The following BRCA1 variants were observed in gnomAD, a reference collection of about 807,000 sequenced individuals.
BRCA1 encodes breast cancer type 1 susceptibility protein.
In BRCA1, 140 loss-of-function variants were observed where a neutral mutation model predicts 173.7. That is an observed-to-expected ratio of 0.81 (90% CI 0.70 to 0.93). The LOEUF (loss-of-function observed/expected upper bound fraction) is 0.93. BRCA1 is among the 40% of genes least tolerant of loss of function. The probability of loss-of-function intolerance (pLI) is 0.00; values close to 1 mark genes in which losing one functional copy is unlikely to be tolerated. For synonymous variants in BRCA1, 662 were observed against 756.0 expected, an observed-to-expected ratio of 0.88 and a Z score of 2.04; for missense variants, 1,983 against 2,172.5, an observed-to-expected ratio of 0.91 and a Z score of 1.73.
At chr17:43,080,618 A>C (rs1345621984) in intron 12 of BRCA1, among the ~76,000 whole-genome samples, 1 of 152,114 alleles carries the variant, frequency 6.6e-6, no homozygotes, top group Non-Finnish European at 1.5e-5. Context: ...CAACTTGGGC[A>C]ACATAGGGAG....
At chr17:43,168,466 C>T (rs1355598042) in intron 1 of BRCA1, among the ~76,000 whole-genome samples, 4 of 152,090 alleles carry the variant, frequency 2.6e-5, no homozygotes, top group East Asian at 1.9e-4. Context: ...GGAGAAACCT[C>T]GTTTCTACTA....
chr17:43,097,300 T>C lies in BRCA1; in HGVS notation c.548-11A>G. 6.2e-7 allele frequency: 1 copy of C among 1,610,764 alleles called. No homozygotes were observed. Among genetic ancestry groups the C allele is most frequent in the East Asian group, 2.2e-5 (1 of 44,798 alleles). ...CAGAAGAATCAGATCCTAAAAAATT[T>C]CCCCCCAAAAAATAAATCAATAAAA... On this transcript the variant is annotated splice_polypyrimidine_tract_variant and intron_variant, in intron 7 of 22. Transcript: ENST00000357654.
At position 43,095,864 on chromosome 17, in the gene BRCA1, A is replaced by C. The variant is rs765950064; in HGVS notation, c.652T>G (p.Leu218Val). The C allele has an allele frequency of 1.2e-6, 2 of 1,613,754 alleles. No individual in the cohort carries two copies. Among genetic ancestry groups the C allele is most frequent in the Non-Finnish European group, 1.7e-6 (2 of 1,179,820 alleles). Residue 218 changes from leucine (L) to valine (V), a missense_variant, in exon 9 of 23, where the codon TTG becomes GTG. Leu to Val is a conservative substitution (Grantham distance 32). Coordinates refer to ENST00000357654, the MANE Select transcript of BRCA1 (RefSeq NM_007294.4). ...TPQGTRDEIS[L>V]DSAKKAACEF... ...CCATTACCCTTTTTTGCAGAATCCA[A>C]ACTGATTTCATCCCTGGTTCCTTGA...
intron 21 of BRCA1, among the ~76,000 whole-genome samples, chr17:43,048,015 C>A (rs1261894318): frequency 6.6e-6 from 1 of 151,878 alleles, no homozygotes; most frequent in Non-Finnish European, 1.5e-5. Context: ...CTCAACTTCA[C>A]CCCCGGGATT....
intron 1 of BRCA1, among the ~76,000 whole-genome samples, chr17:43,132,439 C>G (rs1382099904): frequency 6.6e-6 from 1 of 152,130 alleles, no homozygotes; most frequent in Non-Finnish European, 1.5e-5. Flanking sequence ...GCAGCCCTGG[C>G]TCTAAAACCC....
chr17:43,142,940 G>GTGTA (rs1472554474), intron 1 of BRCA1, among the ~76,000 whole-genome samples: 13 of 144,930 alleles, frequency 9.0e-5, no homozygotes, highest in African/African-American at 2.4e-4. Context: ...GTGTGTGTGT[G>GTGTA]TATATATATA....
intron 2 of BRCA1, among the ~76,000 whole-genome samples, chr17:43,116,747 G>A (rs535102073): frequency 6.6e-6 from 1 of 152,278 alleles, no homozygotes; most frequent in South Asian, 2.1e-4. Context: ...TTGAACTCCT[G>A]ACCTCAGGTG....
intron 18 of BRCA1, among the ~76,000 whole-genome samples, chr17:43,061,820 A>T (rs558167701): frequency 4.6e-4 from 70 of 152,172 alleles, no homozygotes; most frequent in African/African-American, 1.6e-3. Flanking sequence ...CCTGACCTCA[A>T]GTGATCCACC....
rs80356899 is a variant in BRCA1, at chr17:43,092,388, C to T, written c.3143G>A (p.Gly1048Asp). 9.9e-6 allele frequency: 16 copies of T among 1,613,750 alleles called. No homozygotes were observed. The African/African-American group carries it at 1.9e-4, about 19-fold the overall frequency. ...GGAGCCCACTTCATTAGTACTGGAA[C>T]CTACTTCATTAATATTGCTTGAGCT... ...EASSSNINEV[G>D]SSTNEVGSSI... The change falls in exon 10 of 23, where the codon GGT becomes GAT. Residue 1048 changes from glycine (G) to aspartate (D), a missense_variant. Coordinates refer to ENST00000357654, the MANE Select transcript of BRCA1 (RefSeq NM_007294.4).
rs371328476 is a variant in BRCA1 at position 43,150,133 on chromosome 17, C to T, written c.-20+19993G>A. Among the ~76,000 whole-genome samples, 11 of 151,848 alleles carry T rather than the reference C, an allele frequency of 7.2e-5. No homozygotes were observed. In the East Asian group the frequency reaches 1.2e-3, roughly 16 times the overall value. The stretch of plus-strand genomic sequence containing the variant: ...TTGTATTTATTTATTTATTTGAGAC[C>T]GGGTCTTGCCCTGTTGCCCTGGCTA... On this transcript the variant is annotated intron_variant, in intron 1 of 7. Transcript: ENST00000634433.
chr17:43,059,081 C>T (rs2051632894), intron 18 of BRCA1, among the ~76,000 whole-genome samples: 1 of 152,172 alleles, frequency 6.6e-6, no homozygotes, highest in Non-Finnish European at 1.5e-5. Flanking sequence ...CTCCCATGTT[C>T]ATAGTCCTCC....
At chr17:43,097,065 T>C (rs1183556550) in intron 8 of BRCA1, among the ~76,000 whole-genome samples, 179 bp downstream of exon 8, 12 of 152,120 alleles carry the variant, frequency 7.9e-5, no homozygotes, top group Non-Finnish European at 1.6e-4. Context: ...ACCCGGATGA[T>C]GAAAAAAATC....
intron 22 of BRCA1, among the ~76,000 whole-genome samples, chr17:43,046,795 G>T (rs1168822687): frequency 6.6e-6 from 1 of 150,818 alleles, no homozygotes; most frequent in African/African-American, 2.4e-5. Flanking sequence ...AGGACATAAG[G>T]CCTTGCTCTG....
In BRCA1 at chr17:43,082,398, A is replaced by G. The variant is rs80358143; in HGVS notation, c.4357+6T>C. 4 of 1,613,382 alleles carry G rather than the reference A, an allele frequency of 2.5e-6. No individual in the cohort carries two copies. The highest frequency in any genetic ancestry group is 3.4e-6 in the Non-Finnish European group (4 of 1,179,360). ...AAGATATCAGTGTTTGGCCAACAATACACACCTTTTTCTGATGTGCTTTGT... is the reference window on the plus strand; with the variant it reads ...AAGATATCAGTGTTTGGCCAACAATGCACACCTTTTTCTGATGTGCTTTGT... On this transcript the variant is annotated splice_donor_region_variant and intron_variant, in intron 12 of 22. Transcript: ENST00000357654.
chr17:43,125,277 C>A lies in BRCA1; in HGVS notation c.-26G>T, dbSNP rs1057522752. 2 of 456,238 alleles carry A rather than the reference C, an allele frequency of 4.4e-6. No individual in the cohort carries two copies. Among genetic ancestry groups the A allele is most frequent in the Non-Finnish European group, 8.8e-6 (2 of 226,972 alleles). The allele number at this position is 456,238 out of a possible 1,614,324, so 28.3% of individuals were successfully genotyped here. On this transcript the variant is annotated 5_prime_UTR_variant, in exon 1 of 23. Transcript: ENST00000357654. ...TTTCCCGGGACTCTACTACCTTTAC[C>A]CAGAGCAGAGGGTGAAGGCCTCCTG... is the stretch of plus-strand genomic sequence containing the variant.
At chr17:43,164,509 T>C (rs1567836733) in intron 1 of BRCA1, 1 of 152,250 alleles carries the variant, frequency 6.6e-6, no homozygotes, top group Non-Finnish European at 1.5e-5. Context: ...GACTTGGTTA[T>C]GTTAATAACT....
chr17:43,049,803 A>G (rs1014184344), intron 20 of BRCA1, among the ~76,000 whole-genome samples: 3 of 152,154 alleles, frequency 2.0e-5, no homozygotes, highest in East Asian at 1.9e-4. Flanking sequence ...GAACTGCCCA[A>G]TGGGCTCTGT....
intron 13 of BRCA1, among the ~76,000 whole-genome samples, 182 bp from the exon 14 acceptor site, chr17:43,074,703 G>C (rs989022622): frequency 2.8e-5 from 4 of 144,160 alleles, no homozygotes; most frequent in Non-Finnish European, 6.2e-5. Flanking sequence ...AATATGTCAG[G>C]GTTGACATAT....
chr17:43,116,327 A>T (rs1375481142), intron 2 of BRCA1, among the ~76,000 whole-genome samples: 2 of 152,168 alleles, frequency 1.3e-5, no homozygotes, highest in Non-Finnish European at 2.9e-5. Flanking sequence ...ACTCATGGCC[A>T]AGCTGTTTCA....
Sources: gnomAD v4.1 joint callset for allele counts (sites outside exome capture counted in the v4.1 genomes callset) on GRCh38, gnomAD v4.1.1 for gene constraint, MANE v1.5 for transcripts, NCBI Gene and HGNC (gene_info 2026-07-23, HGNC 2026-07-21) for gene names.